KCNIP4: variants seen among roughly 807,000 people sequenced by gnomAD.
KCNIP4 encodes Kv channel-interacting protein 4.
A neutral mutation model predicts 34.0 loss-of-function variants in KCNIP4; 12 were observed. That is an observed-to-expected ratio of 0.35 (90% CI 0.23 to 0.57). The LOEUF (loss-of-function observed/expected upper bound fraction) is 0.57, where lower values mean the gene tolerates loss of function less well. Ranked by LOEUF, KCNIP4 falls within the 20% of genes least tolerant of loss-of-function variation. The probability of loss-of-function intolerance (pLI) is 0.83; values close to 1 mark genes in which losing one functional copy is unlikely to be tolerated. For missense variants in KCNIP4, 238 were observed against 311.7 expected (o/e 0.76, Z 1.78); for synonymous variants, 124 against 102.2 (o/e 1.21, Z -1.29).
intron 1 of KCNIP4, among the ~76,000 whole-genome samples, chr4:21,936,483 C>G (rs1445963337): frequency 6.6e-6 from 1 of 151,948 alleles, no homozygotes; most frequent in Admixed American, 6.6e-5. Context: ...TTATTAGCAG[C>G]GTGAGAACAG....
intron 1 of KCNIP4, among the ~76,000 whole-genome samples, chr4:21,689,540 T>C (rs1751089039): frequency 6.6e-6 from 1 of 151,990 alleles, no homozygotes; most frequent in South Asian, 2.1e-4. Flanking sequence ...TGGCTGGGGG[T>C]TGAGCAGAGA....
chr4:20,829,185 G>A (rs115490145), intron 3 of KCNIP4, among the ~76,000 whole-genome samples: 2,386 of 149,620 alleles, frequency 0.016, 21 homozygotes, highest in Non-Finnish European at 0.025. Context: ...AGTGGGGCCA[G>A]AAGCACAAGT....
At chr4:21,542,978 T>C (rs1737831619) in intron 1 of KCNIP4, among the ~76,000 whole-genome samples, 2 of 151,990 alleles carry the variant, frequency 1.3e-5, no homozygotes, top group African/African-American at 2.4e-5. Flanking sequence ...AATTCAATGA[T>C]GATTTTAAAT....
intron 1 of KCNIP4, among the ~76,000 whole-genome samples, chr4:21,888,206 T>G (rs1408970895): frequency 6.6e-6 from 1 of 152,128 alleles, no homozygotes; most frequent in East Asian, 1.9e-4. Flanking sequence ...TAAACTAAAC[T>G]GATTCTGAAT....
At chr4:21,702,690 C>T (rs1712955294) in intron 1 of KCNIP4, among the ~76,000 whole-genome samples, 1 of 151,920 alleles carries the variant, frequency 6.6e-6, no homozygotes, top group African/African-American at 2.4e-5. Flanking sequence ...AGAATTAACA[C>T]TAATTCTTCA....
chr4:21,229,873 C>A (rs1758669970), intron 1 of KCNIP4, among the ~76,000 whole-genome samples: 2 of 152,160 alleles, frequency 1.3e-5, no homozygotes, highest in Admixed American at 1.3e-4. Flanking sequence ...CAGCTGTAAT[C>A]TACTTGTTGT....
At chr4:21,154,416 T>A (rs1290021271) in intron 1 of KCNIP4, among the ~76,000 whole-genome samples, 1 of 152,248 alleles carries the variant, frequency 6.6e-6, no homozygotes, top group Non-Finnish European at 1.5e-5. Flanking sequence ...ATTTATTGTA[T>A]CTTCAACCCA....
rs147178062 is a variant in KCNIP4 at position 21,901,299 on chromosome 4, C to A, written c.61+47272G>T. Reference sequence around the variant, plus strand: ...AGCATGGTGACAACAAAAAGCAGACCCACTATTAGTTGGTTTTACTATTGC... The same window carrying A: ...AGCATGGTGACAACAAAAAGCAGACACACTATTAGTTGGTTTTACTATTGC... On this transcript the variant is annotated intron_variant, in intron 1 of 8. Coordinates refer to ENST00000382152, the MANE Select transcript of KCNIP4 (RefSeq NM_025221.6). Among the ~76,000 whole-genome samples the A allele has an allele frequency of 6.8e-4, 103 of 152,298 alleles. No homozygotes were observed. In the East Asian group the frequency reaches 0.011, roughly 16 times the overall value.
intron 1 of KCNIP4, among the ~76,000 whole-genome samples, chr4:21,404,974 T>C (rs1475401964): frequency 6.6e-6 from 1 of 152,166 alleles, no homozygotes; most frequent in Non-Finnish European, 1.5e-5. Flanking sequence ...CACTTCCTTG[T>C]AAAAACCAGT....
At chr4:21,917,804 G>T (rs1728722218) in intron 1 of KCNIP4, among the ~76,000 whole-genome samples, 1 of 152,190 alleles carries the variant, frequency 6.6e-6, no homozygotes. Flanking sequence ...AAAGAAGGTT[G>T]CAATTACAAG....
intron 1 of KCNIP4, among the ~76,000 whole-genome samples, chr4:21,196,931 C>T (rs2043389): frequency 0.31 from 46,394 of 151,966 alleles, 7,296 homozygotes; most frequent in South Asian, 0.5. Flanking sequence ...CATCTGTCTC[C>T]CTCATCCTTC....
chr4:21,143,051 T>C (rs1486861942), intron 1 of KCNIP4, among the ~76,000 whole-genome samples: 1 of 152,170 alleles, frequency 6.6e-6, no homozygotes, highest in Non-Finnish European at 1.5e-5. Context: ...CTAGGTGTTG[T>C]GCAGAATCCT....
At chr4:21,376,833 T>C (rs918630177) in intron 1 of KCNIP4, among the ~76,000 whole-genome samples, 1 of 152,146 alleles carries the variant, frequency 6.6e-6, no homozygotes, top group Non-Finnish European at 1.5e-5. Flanking sequence ...ATAAGCAATG[T>C]TAAATGCCAC....
chr4:21,499,010 A>C (rs1223633227), intron 1 of KCNIP4, among the ~76,000 whole-genome samples: 1 of 152,140 alleles, frequency 6.6e-6, no homozygotes, highest in Non-Finnish European at 1.5e-5. Flanking sequence ...TACTAAAATC[A>C]CTGGTCCCAT....
At chr4:21,914,951 T>C (rs1212575400) in intron 1 of KCNIP4, among the ~76,000 whole-genome samples, 1 of 152,116 alleles carries the variant, frequency 6.6e-6, no homozygotes, top group African/African-American at 2.4e-5. Context: ...GTATGAAAGG[T>C]TCTTTTTTTT....
intron 1 of KCNIP4, among the ~76,000 whole-genome samples, chr4:21,666,339 C>T (rs1298962989): frequency 6.6e-6 from 1 of 152,144 alleles, no homozygotes; most frequent in African/African-American, 2.4e-5. Context: ...AGAGCCTATC[C>T]AAATGCATCA....
intron 1 of KCNIP4, among the ~76,000 whole-genome samples, chr4:21,111,272 A>G (rs143780256): frequency 6.7e-6 from 1 of 149,308 alleles, no homozygotes; most frequent in African/African-American, 2.5e-5. Flanking sequence ...TTTGAGTTTC[A>G]AATGGCACAG....
chr4:21,357,944 A>G (rs879247073), intron 1 of KCNIP4, among the ~76,000 whole-genome samples: 1 of 152,210 alleles, frequency 6.6e-6, no homozygotes, highest in Admixed American at 6.5e-5. Context: ...GATAGACTGG[A>G]TTAATAAAAT....
chr4:21,354,779 A>G (rs760123581), intron 1 of KCNIP4, among the ~76,000 whole-genome samples: 1 of 152,202 alleles, frequency 6.6e-6, no homozygotes, highest in Non-Finnish European at 1.5e-5. Context: ...ACTTGAACTC[A>G]GCTCTGCACC....
Sources: gnomAD v4.1 joint callset for allele counts (sites outside exome capture counted in the v4.1 genomes callset) on GRCh38, gnomAD v4.1.1 for gene constraint, MANE v1.5 for transcripts, NCBI Gene and HGNC (gene_info 2026-07-23, HGNC 2026-07-21) for gene names.